Variants in NOTCH1 observed in about 807,000 individuals in gnomAD.
NOTCH1 encodes the protein notch receptor 1.
In NOTCH1, 37 loss-of-function variants were observed where a neutral mutation model predicts 254.8. That is an observed-to-expected ratio of 0.15 (90% CI 0.11 to 0.19). The LOEUF is 0.19. Ranked by LOEUF, NOTCH1 falls within the 10% of genes least tolerant of loss-of-function variation. The probability of loss-of-function intolerance (pLI) is 1.00; values close to 1 mark genes in which losing one functional copy is unlikely to be tolerated. For synonymous variants in NOTCH1, 1,731 were observed against 1,618.1 expected (o/e 1.07, Z -1.68); for missense variants, 2,972 against 3,708.6 (o/e 0.80, Z 5.16).
At chr9:136,534,476 C>T (rs934319092) in intron 2 of NOTCH1, among the ~76,000 whole-genome samples, 11 of 152,162 alleles carry the variant, frequency 7.2e-5, no homozygotes, top group Non-Finnish European at 1.3e-4. Flanking sequence ...AGGAACAACA[C>T]GACTATTTCT....
chr9:136,512,658 G>C (rs1161021357), intron 15 of NOTCH1, among the ~76,000 whole-genome samples: 1 of 152,226 alleles, frequency 6.6e-6, no homozygotes, highest in Non-Finnish European at 1.5e-5. Flanking sequence ...CAGTGACCCA[G>C]GCCCGGCCCT....
At chr9:136,508,723 C>G in intron 19 of NOTCH1, 147 bp downstream of exon 19, 1 of 799,056 alleles carries the variant, frequency 1.3e-6, no homozygotes, top group Non-Finnish European at 1.9e-6. Context: ...TCACCGGCTG[C>G]TCAGATCCCC....
Position 136,518,706 on chromosome 9 carries a change from A to C in NOTCH1, c.984T>G (p.Thr328=). The part of the protein sequence containing the change: ...GYNCVCVNGW[T]GEDCSENIDD... ...CAATGTTCTCGCTGCAGTCCTCACC[A>C]GTCCAGCCGTTGACACACACGCAGT... Residue 328 remains threonine, a synonymous_variant, in exon 6 of 34, where the codon ACT becomes ACG. Transcript: ENST00000651671. 6.2e-7 allele frequency: 1 copy of C among 1,612,842 alleles called. No homozygotes were observed. The highest frequency in any genetic ancestry group is 1.1e-5 in the South Asian group (1 of 91,092).
chr9:136,521,681 G>A (rs772648616), intron 4 of NOTCH1, among the ~76,000 whole-genome samples: 1 of 152,240 alleles, frequency 6.6e-6, no homozygotes, highest in Admixed American at 6.5e-5. Context: ...AAGCTGGCCA[G>A]GGAGTGTCTG....
intron 1 of NOTCH1, 73 bp from the exon 2 acceptor site, chr9:136,544,175 G>T: frequency 1.4e-6 from 2 of 1,383,806 alleles, no homozygotes; most frequent in Non-Finnish European, 2.0e-6. Context: ...TTACCCTGGG[G>T]GCGGGGACCT....
At chr9:136,532,994 C>G (rs1171016187) in intron 2 of NOTCH1, among the ~76,000 whole-genome samples, 1 of 152,252 alleles carries the variant, frequency 6.6e-6, no homozygotes, top group South Asian at 2.1e-4. Flanking sequence ...CAGCCAGGCC[C>G]GTCCACCAGA....
At chr9:136,523,635 C>G (rs2133378621) in intron 3 of NOTCH1, 82 bp downstream of exon 3, 3 of 1,520,718 alleles carry the variant, frequency 2.0e-6, no homozygotes, top group South Asian at 1.2e-5. Context: ...GGGCCTGGAT[C>G]CCGCCAAGTA....
At chr9:136,515,907 C>A (rs1843260196) in intron 10 of NOTCH1, 74 bp downstream of exon 10, 3 of 1,314,936 alleles carry the variant, frequency 2.3e-6, no homozygotes, top group South Asian at 2.5e-5. Context: ...GTGTCCATGA[C>A]CTTGTCAGTT....
At chr9:136,507,195 G>A (rs1014032770) in intron 22 of NOTCH1, 110 bp downstream of exon 22, 2 of 1,574,856 alleles carry the variant, frequency 1.3e-6, no homozygotes, top group South Asian at 2.2e-5. Context: ...ACAGGAAAAT[G>A]GGAGTTTCTG....
At position 136,505,540 on chromosome 9, in the gene NOTCH1, G is replaced by C. The variant is rs770281345; in HGVS notation, c.4356C>G (p.Pro1452=). Residue 1452 remains proline (P), a synonymous_variant, in exon 25 of 34, where the codon CCC becomes CCG. Coordinates refer to ENST00000651671, the MANE Select transcript of NOTCH1 (RefSeq NM_017617.5). ...TGTTGCCCGCGTCCTCCTGGCACTC[G>C]GGCAGCTCGCACGCCTCCTCGATCA... The part of the protein sequence containing the change: ...PPLIEEACEL[P]ECQEDAGNKV... 1 of 1,611,908 alleles carries C rather than the reference G, an allele frequency of 6.2e-7. No homozygotes were observed. Among genetic ancestry groups the C allele is most frequent in the Admixed American group, 1.7e-5 (1 of 59,962 alleles).
At position 136,511,213 on chromosome 9, in the gene NOTCH1, C is replaced by T. The variant is rs1554728832; in HGVS notation, c.2526G>A (p.Gly842=). The part of the protein sequence containing the change: ...PCAPSPCRNG[G]ECRQSEDYES... ...CATAGTCCTCGGATTGCCTGCACTC[C>T]CCGCCGTTTCTGCAGGGGCTGGGGG... The change falls in exon 16 of 34, where the codon GGG becomes GGA. Residue 842 remains glycine (G), a synonymous_variant. Coordinates refer to ENST00000651671, the MANE Select transcript of NOTCH1 (RefSeq NM_017617.5). 87 of 1,612,838 alleles carry T rather than the reference C, an allele frequency of 5.4e-5. 1 individual carries two copies. In the South Asian group the frequency reaches 9.1e-4, roughly 17 times the overall value.
At chr9:136,508,681 G>A (rs1265116135) in intron 19 of NOTCH1, among the ~76,000 whole-genome samples, 189 bp downstream of exon 19, 2 of 152,232 alleles carry the variant, frequency 1.3e-5, no homozygotes, top group Admixed American at 6.5e-5. Context: ...GGATTGAAAC[G>A]AAGGTGCCTG....
chr9:136,498,504 C>T (rs1842950061), intron 33 of NOTCH1, among the ~76,000 whole-genome samples: 1 of 152,210 alleles, frequency 6.6e-6, no homozygotes, highest in Admixed American at 6.5e-5. Flanking sequence ...TGCGTCACCA[C>T]ATTCCCATCC....
At chr9:136,535,445 G>A (rs1037235782) in intron 2 of NOTCH1, among the ~76,000 whole-genome samples, 1 of 144,970 alleles carries the variant, frequency 6.9e-6, no homozygotes. Context: ...CCTCCCAGGG[G>A]CAATGGGTGC....
intron 2 of NOTCH1, among the ~76,000 whole-genome samples, chr9:136,524,616 G>A (rs572104859): frequency 2.0e-5 from 3 of 150,498 alleles, no homozygotes; most frequent in East Asian, 2.0e-4. Flanking sequence ...CCCTTCCTAC[G>A]TGGAAGCCTT....
At position 136,518,691 on chromosome 9, in the gene NOTCH1, G is replaced by C. The variant is rs751646144; in HGVS notation, c.999C>G (p.Ser333Arg). The change falls in exon 6 of 34, where the codon AGC becomes AGG. Residue 333 changes from serine (S) to arginine (R), a missense_variant. Physicochemically the swap from Ser to Arg is moderately radical, Grantham distance 110. Transcript: ENST00000651671. Reference protein sequence around the residue: ...CVNGWTGEDCSENIDDCASAA... With the variant: ...CVNGWTGEDCRENIDDCASAA... ...CGCTGGCACAGTCATCAATGTTCTCGCTGCAGTCCTCACCAGTCCAGCCGT... is the reference window on the plus strand; with the variant it reads ...CGCTGGCACAGTCATCAATGTTCTCCCTGCAGTCCTCACCAGTCCAGCCGT... 1 of 1,612,752 alleles carries C rather than the reference G, an allele frequency of 6.2e-7. No individual in the cohort carries two copies. Among genetic ancestry groups the C allele is most frequent in the Non-Finnish European group, 8.5e-7 (1 of 1,179,996 alleles).
intron 15 of NOTCH1, among the ~76,000 whole-genome samples, chr9:136,511,784 G>A (rs2133355875): frequency 6.6e-6 from 1 of 152,362 alleles, no homozygotes; most frequent in South Asian, 2.1e-4. Flanking sequence ...TGCGATGGAG[G>A]GGACAGGCCC....
chr9:136,511,380 G>C, intron 15 of NOTCH1, 109 bp from the exon 16 acceptor site: 1 of 1,407,528 alleles, frequency 7.1e-7, no homozygotes, highest in Non-Finnish European at 9.6e-7. Flanking sequence ...TGCTGGTCCC[G>C]CCGGGAGGCA....
At chr9:136,535,497 GGGTGC>G in intron 2 of NOTCH1, among the ~76,000 whole-genome samples, 1 of 108,698 alleles carries the variant, frequency 9.2e-6, no homozygotes, top group East Asian at 4.1e-4. Flanking sequence ...CAGGGGCAAT[GGGTGC>G]AGGGTGGGAG....
Sources: allele counts gnomAD v4.1 joint callset (sites outside exome capture counted in the v4.1 genomes callset), GRCh38; gene constraint gnomAD v4.1.1; transcripts MANE v1.5; gene names NCBI Gene and HGNC (gene_info 2026-07-23, HGNC 2026-07-21).